The following TRPC4AP variants were observed in gnomAD, a reference collection of about 807,000 sequenced individuals.
TRPC4AP encodes the protein transient receptor potential cation channel subfamily C member 4 associated protein.
In TRPC4AP, 45 loss-of-function variants were observed where a neutral mutation model predicts 99.0. The observed-to-expected ratio is 0.45, with a 90% CI of 0.36 to 0.58. The LOEUF is 0.58. TRPC4AP is among the 20% of genes least tolerant of loss of function. The pLI, the probability that TRPC4AP is intolerant of heterozygous loss-of-function variation, is 0.00. For synonymous variants in TRPC4AP, 408 were observed against 385.8 expected (o/e 1.06, Z -0.67); for missense variants, 879 against 985.3 (o/e 0.89, Z 1.44).
chr20:35,028,654 G>A (rs1041685533), intron 8 of TRPC4AP, among the ~76,000 whole-genome samples: 7 of 152,082 alleles, frequency 4.6e-5, no homozygotes, highest in African/African-American at 1.7e-4. Context: ...GTAGTAGTTG[G>A]GTGGAGGGTT....
At chr20:35,050,621 A>G (rs1006824089) in intron 5 of TRPC4AP, among the ~76,000 whole-genome samples, 1 of 151,736 alleles carries the variant, frequency 6.6e-6, no homozygotes, top group Admixed American at 6.6e-5. Context: ...GCTGAGGTAA[A>G]AGGATCATTT....
At chr20:35,009,141 G>A (rs2082577853) in intron 12 of TRPC4AP, among the ~76,000 whole-genome samples, 1 of 152,176 alleles carries the variant, frequency 6.6e-6, no homozygotes, top group African/African-American at 2.4e-5. Flanking sequence ...AGCTGGCCTT[G>A]GGCAAGTGTC....
chr20:35,065,672 G>A (rs1360119939), intron 3 of TRPC4AP, among the ~76,000 whole-genome samples: 2 of 152,162 alleles, frequency 1.3e-5, no homozygotes, highest in Non-Finnish European at 1.5e-5. Flanking sequence ...TAAAATGACT[G>A]GGATTCCTGG....
At chr20:35,024,854 A>AAAAAAAAAAACAACAT (rs1479270980) in intron 8 of TRPC4AP, among the ~76,000 whole-genome samples, 1 of 89,480 alleles carries the variant, frequency 1.1e-5, no homozygotes, top group Non-Finnish European at 2.3e-5. Context: ...AAAAAAAAAA[A>AAAAAAAAAAACAACAT]ATTCTGTTTA....
At chr20:35,077,578 A>G (rs2084516293) in intron 2 of TRPC4AP, among the ~76,000 whole-genome samples, 1 of 152,188 alleles carries the variant, frequency 6.6e-6, no homozygotes, top group Non-Finnish European at 1.5e-5. Flanking sequence ...CAGTTTGAGA[A>G]CAATTATCCT....
Position 35,092,776 on chromosome 20 carries a change from C to G in TRPC4AP, c.6G>C (p.Ala2=). 2 of 1,536,528 alleles carry G rather than the reference C, an allele frequency of 1.3e-6. No homozygotes were observed. The highest frequency in any genetic ancestry group is 5.2e-5 in the East Asian group (2 of 38,466). Residue 2 remains alanine, a synonymous_variant, in exon 1 of 19, where the codon GCG becomes GCC. Coordinates refer to ENST00000252015, the MANE Select transcript of TRPC4AP (RefSeq NM_015638.3). The stretch of plus-strand genomic sequence containing the variant: ...CAGACCCAGCCGCTACCGGCGCCGC[C>G]GCCATGTCTCCTCGTCGGACAAACA... M[A]AAPVAAGSGA... is the part of the protein sequence containing the mutation.
At chr20:35,065,593 TC>T (rs1471149143) in intron 3 of TRPC4AP, among the ~76,000 whole-genome samples, 1 of 152,142 alleles carries the variant, frequency 6.6e-6, no homozygotes, top group African/African-American at 2.4e-5. Flanking sequence ...GCAAGAGAGT[TC>T]ACTAACAAAT....
chr20:35,022,222 C>T (rs952994164), intron 8 of TRPC4AP, among the ~76,000 whole-genome samples: 13 of 152,192 alleles, frequency 8.5e-5, no homozygotes, highest in African/African-American at 2.9e-4. Context: ...GTGGCATGAC[C>T]TTGGCTCACT....
intron 1 of TRPC4AP, 109 bp downstream of exon 1, chr20:35,092,504 CA>C: frequency 7.7e-7 from 1 of 1,304,862 alleles, no homozygotes; most frequent in Non-Finnish European, 9.9e-7. Flanking sequence ...TCCGGCCAGC[CA>C]AAAGGGCTTT....
chr20:35,036,324 C>T (rs1192311807), intron 7 of TRPC4AP, among the ~76,000 whole-genome samples: 1 of 152,176 alleles, frequency 6.6e-6, no homozygotes, highest in Non-Finnish European at 1.5e-5. Context: ...AAGATGGAAA[C>T]AGCCAAAATG....
At chr20:35,077,602 C>T (rs771446647) in intron 2 of TRPC4AP, among the ~76,000 whole-genome samples, 2 of 152,184 alleles carry the variant, frequency 1.3e-5, no homozygotes, top group African/African-American at 2.4e-5. Context: ...ATAATGTCTC[C>T]GTGCTCTTTC....
At chr20:35,027,302 C>T (rs945729143) in intron 8 of TRPC4AP, among the ~76,000 whole-genome samples, 10 of 152,158 alleles carry the variant, frequency 6.6e-5, no homozygotes, top group Non-Finnish European at 1.0e-4. Context: ...CCTATGGAAA[C>T]GATCATGTGG....
chr20:35,016,661 C>G (rs535986695), intron 9 of TRPC4AP, among the ~76,000 whole-genome samples: 71 of 152,128 alleles, frequency 4.7e-4, no homozygotes, highest in African/African-American at 1.7e-3. Context: ...GTTGGAAAAG[C>G]CTTTCTGAAG....
chr20:35,013,142 G>A, intron 10 of TRPC4AP, 76 bp from the exon 11 acceptor site: 1 of 1,412,024 alleles, frequency 7.1e-7, no homozygotes. Context: ...ACACTCTGGT[G>A]GGAGCCTGCT....
intron 6 of TRPC4AP, among the ~76,000 whole-genome samples, chr20:35,046,682 T>C (rs746366696): frequency 1.5e-4 from 23 of 152,110 alleles, no homozygotes; most frequent in Non-Finnish European, 2.6e-4. Context: ...GCAGGGGGCA[T>C]TGGGGAACAA....
chr20:35,003,389 C>G, intron 18 of TRPC4AP, 21 bp downstream of exon 18: 2 of 1,532,514 alleles, frequency 1.3e-6, no homozygotes, highest in Non-Finnish European at 1.7e-6. Flanking sequence ...CCCATCACCC[C>G]CTTGAGGGTG....
At chr20:35,035,094 G>T in intron 8 of TRPC4AP, 29 bp downstream of exon 8, 1 of 1,581,096 alleles carries the variant, frequency 6.3e-7, no homozygotes, top group Non-Finnish European at 8.6e-7. Flanking sequence ...AAAAGCTCCC[G>T]ATCACTCAGG....
At chr20:35,091,866 A>G (rs1259932930) in intron 1 of TRPC4AP, among the ~76,000 whole-genome samples, 5 of 152,152 alleles carry the variant, frequency 3.3e-5, no homozygotes, top group African/African-American at 1.2e-4. Flanking sequence ...ACTAATTCTC[A>G]TCTTCATCTT....
intron 1 of TRPC4AP, among the ~76,000 whole-genome samples, chr20:35,084,536 A>G (rs144417578): frequency 2.5e-4 from 37 of 147,506 alleles, no homozygotes; most frequent in African/African-American, 7.0e-4. Context: ...ATATGTATAT[A>G]TGTATATGTA....
Sources: allele counts gnomAD v4.1 joint callset (sites outside exome capture counted in the v4.1 genomes callset), GRCh38; gene constraint gnomAD v4.1.1; transcripts MANE v1.5; gene names NCBI Gene and HGNC (gene_info 2026-07-23, HGNC 2026-07-21).